The following SOCS2 variants were observed in gnomAD, a reference collection of about 807,000 sequenced individuals.
SOCS2 encodes suppressor of cytokine signaling 2.
SOCS2 carries 10 observed loss-of-function variants against 18.6 expected under a neutral mutation model. That is an observed-to-expected ratio of 0.54 (90% CI 0.33 to 0.91). SOCS2 has a LOEUF of 0.91. Among genes scored for constraint, SOCS2 ranks in the 40% least tolerant of loss-of-function variants. The probability of loss-of-function intolerance (pLI) is 0.02; values close to 1 mark genes in which losing one functional copy is unlikely to be tolerated. For missense variants in SOCS2, 231 were observed against 247.2 expected (o/e 0.93, Z 0.44); for synonymous variants, 104 against 104.0 (o/e 1.00, Z 0.00).
the SOCS2 span, among the ~76,000 whole-genome samples, chr12:93,603,148 A>G: frequency 6.6e-6 from 1 of 152,312 alleles, no homozygotes; most frequent in East Asian, 1.9e-4. Flanking sequence ...ATTGCTTGCA[A>G]AAAATAGCTG....
At chr12:93,593,595 T>C in the SOCS2 span, among the ~76,000 whole-genome samples, 2 of 152,204 alleles carry the variant, frequency 1.3e-5, no homozygotes, top group Non-Finnish European at 2.9e-5. Flanking sequence ...TAAATGATCA[T>C]AGTAGCATCC....
chr12:93,572,906 G>A lies in SOCS2; in HGVS notation c.9G>A (p.Leu3=). 19 of 1,577,874 alleles carry A rather than the reference G, an allele frequency of 1.2e-5. No individual in the cohort carries two copies. Among genetic ancestry groups the A allele is most frequent in the Non-Finnish European group, 1.5e-5 (18 of 1,161,306 alleles). MT[L]RCLEPSGNGG... is the part of the protein sequence containing the mutation. ...GCGGTGACCCTTCTCTCATGACCCTGCGGTGCCTTGAGCCCTCCGGGAATG... is the reference window on the plus strand; with the variant it reads ...GCGGTGACCCTTCTCTCATGACCCTACGGTGCCTTGAGCCCTCCGGGAATG... Residue 3 remains leucine, a synonymous_variant, in exon 1 of 2, where the codon CTG becomes CTA. Transcript: ENST00000551556. This position sits in a 1 kb window ranked among gnomAD's most constrained non-coding sequence, Gnocchi z 5.0.
the SOCS2 span, among the ~76,000 whole-genome samples, chr12:93,624,906 T>C: frequency 7.4e-4 from 112 of 152,226 alleles, 1 homozygote. Context: ...CTTGGGTTAA[T>C]AGCTAAATAT....
At chr12:93,591,062 A>AT in the SOCS2 span, among the ~76,000 whole-genome samples, 5 of 151,754 alleles carry the variant, frequency 3.3e-5, no homozygotes, top group Admixed American at 1.3e-4. Context: ...AAAATGACTA[A>AT]TTTTTTTTAA....
the SOCS2 span, among the ~76,000 whole-genome samples, chr12:93,593,814 G>A: frequency 9.9e-5 from 15 of 152,048 alleles, no homozygotes; most frequent in East Asian, 3.8e-4. Context: ...AAATCAAACC[G>A]AACCACGCTA....
the SOCS2 span, among the ~76,000 whole-genome samples, chr12:93,599,167 T>C: frequency 7.4e-6 from 1 of 134,972 alleles, no homozygotes; most frequent in South Asian, 2.3e-4. Flanking sequence ...GTTGTGCTGT[T>C]TGTCTTTTTT....
At chr12:93,597,411 G>A in the SOCS2 span, among the ~76,000 whole-genome samples, 2 of 151,952 alleles carry the variant, frequency 1.3e-5, no homozygotes. Flanking sequence ...CTTCTCCTGG[G>A]TTCAAGCAAT....
chr12:93,620,437 T>G, the SOCS2 span, among the ~76,000 whole-genome samples: 2 of 151,912 alleles, frequency 1.3e-5, no homozygotes, highest in Non-Finnish European at 2.9e-5. Flanking sequence ...TTTTTTGAGA[T>G]GGAGTCTTGC....
the SOCS2 span, among the ~76,000 whole-genome samples, chr12:93,623,839 G>A: frequency 6.6e-6 from 1 of 152,066 alleles, no homozygotes; most frequent in African/African-American, 2.4e-5. Context: ...CAAATAGCTG[G>A]GATTACAGGC....
the SOCS2 span, among the ~76,000 whole-genome samples, chr12:93,590,087 A>G: frequency 6.6e-6 from 1 of 151,894 alleles, no homozygotes; most frequent in South Asian, 2.1e-4. Context: ...CTCCATCTCT[A>G]CCAAAAATAC....
the SOCS2 span, among the ~76,000 whole-genome samples, chr12:93,595,849 T>A: frequency 6.6e-6 from 1 of 152,158 alleles, no homozygotes; most frequent in Non-Finnish European, 1.5e-5. Flanking sequence ...TTTACTTTAC[T>A]TTCTTTTCTG....
At chr12:93,576,820 A>G (rs1450011653), downstream of SOCS2, 1 of 152,236 alleles carries the variant, frequency 6.6e-6, no homozygotes, top group African/African-American at 2.4e-5. Context: ...GTATATCCAA[A>G]CAGCAGAGCC....
chr12:93,604,184 C>CA, the SOCS2 span, among the ~76,000 whole-genome samples: 1 of 145,300 alleles, frequency 6.9e-6, no homozygotes, highest in Admixed American at 6.9e-5. Context: ...CATAGATTCT[C>CA]AAAAAAACAA....
At chr12:93,625,618 C>T in the SOCS2 span, among the ~76,000 whole-genome samples, 3 of 151,694 alleles carry the variant, frequency 2.0e-5, no homozygotes, top group Non-Finnish European at 2.9e-5. Flanking sequence ...TGTGGTGGCA[C>T]GTGCCTGTAA....
the SOCS2 span, among the ~76,000 whole-genome samples, chr12:93,614,480 TTTCCTTCCTTCC>T: frequency 1.8e-3 from 47 of 26,136 alleles, no homozygotes; most frequent in African/African-American, 3.5e-3. Context: ...CCTTCCTTCC[TTTCCTTCCTTCC>T]TTCCTTCCTT....
chr12:93,575,197 A>G lies in SOCS2; in HGVS notation c.*18A>G. ...AGGTATAAATGTTTCTCTTTTTTTA[A>G]ACATGTCTCACATAGAGTATCTCCG... On this transcript the variant is annotated 3_prime_UTR_variant, in exon 2 of 2. Transcript: ENST00000551556. 6.6e-7 allele frequency: 1 copy of G among 1,507,236 alleles called. No homozygotes were observed. The highest frequency in any genetic ancestry group is 8.9e-7 in the Non-Finnish European group (1 of 1,125,874). 93.4% of individuals were successfully genotyped at this position (1,507,236 alleles called of 1,614,324 possible).
At chr12:93,600,737 A>G in the SOCS2 span, among the ~76,000 whole-genome samples, 1 of 150,344 alleles carries the variant, frequency 6.7e-6, no homozygotes, top group Non-Finnish European at 1.5e-5. Context: ...TACTATTGTT[A>G]ATGGAATCTT....
the SOCS2 span, among the ~76,000 whole-genome samples, chr12:93,590,491 C>T: frequency 6.6e-6 from 1 of 151,458 alleles, no homozygotes. Context: ...TTAGGAGAAA[C>T]GAACTATTAA....
chr12:93,570,097 C>T (rs2200160), upstream of SOCS2: 29,146 of 151,994 alleles, frequency 0.19, 3,402 homozygotes, highest in East Asian at 0.41. Flanking sequence ...CGAGATCCTT[C>T]CGAATCCCAG....
Sources: allele counts gnomAD v4.1 joint callset (sites outside exome capture counted in the v4.1 genomes callset), GRCh38; gene constraint gnomAD v4.1.1; non-coding constraint Gnocchi (gnomAD v3.1); transcripts MANE v1.5; gene names NCBI Gene and HGNC (gene_info 2026-07-23, HGNC 2026-07-21).